The following DCDC1 variants were observed in gnomAD, a reference collection of about 807,000 sequenced individuals.
The protein encoded by DCDC1 is doublecortin domain-containing protein 1.
Under a neutral mutation model 178.3 loss-of-function variants are expected in DCDC1, and 200 were observed. The ratio of observed to expected loss-of-function variants is 1.12; its 90% CI spans 1.00 to 1.26. The LOEUF is 1.26. Ranked by LOEUF, DCDC1 falls within the 50% of genes most tolerant of loss-of-function variation. The pLI is 0.00. For missense variants in DCDC1, 1,983 were observed against 1,749.2 expected (o/e 1.13, Z -2.38); for synonymous variants, 690 against 604.8 (o/e 1.14, Z -2.07).
At chr11:30,914,614 A>C (rs1945691974) in intron 27 of DCDC1, among the ~76,000 whole-genome samples, 2 of 148,262 alleles carry the variant, frequency 1.3e-5, no homozygotes, top group South Asian at 4.4e-4. Flanking sequence ...TCGATTAAAG[A>C]AATGTTCCAT....
chr11:31,266,693 T>A (rs535831893), intron 7 of DCDC1, among the ~76,000 whole-genome samples: 3 of 152,324 alleles, frequency 2.0e-5, no homozygotes, highest in Admixed American at 6.5e-5. Context: ...TTGCCGATAC[T>A]ACCTGTCTCT....
intron 20 of DCDC1, among the ~76,000 whole-genome samples, chr11:31,047,338 A>C (rs947659334): frequency 6.6e-6 from 1 of 151,830 alleles, no homozygotes; most frequent in African/African-American, 2.4e-5. Flanking sequence ...TGTTGAACAG[A>C]AAAAAAAATC....
At chr11:31,250,815 C>T (rs1374154905) in intron 8 of DCDC1, among the ~76,000 whole-genome samples, 4 of 150,940 alleles carry the variant, frequency 2.7e-5, no homozygotes, top group Non-Finnish European at 4.4e-5. Flanking sequence ...AGTGCAGTGG[C>T]GTGATCTCGG....
Position 31,049,596 on chromosome 11 carries a change from C to T in DCDC1, c.2591+14873G>A, listed in dbSNP as rs1955100513. Among the ~76,000 whole-genome samples the T allele has an allele frequency of 2.6e-5, 4 of 152,122 alleles. No individual in the cohort carries two copies. In the South Asian group the frequency reaches 6.2e-4, roughly 24 times the overall value. On this transcript the variant is annotated intron_variant, in intron 20 of 38. Coordinates refer to ENST00000684477, the MANE Select transcript of DCDC1 (RefSeq NM_001387274.1). ...GCTCTAGATCGACTGCATGAATAAA[C>T]CAGCAATCCCAAGAGGACCCGCAGA... is the stretch of plus-strand genomic sequence containing the variant.
chr11:31,287,660 A>G (rs1394818187), intron 7 of DCDC1, among the ~76,000 whole-genome samples: 3 of 152,016 alleles, frequency 2.0e-5, no homozygotes, highest in African/African-American at 7.2e-5. Flanking sequence ...GAGCAATACT[A>G]TTAATATTTG....
chr11:31,262,981 T>C (rs1053541119), intron 8 of DCDC1: 1 of 1,539,516 alleles, frequency 6.5e-7, no homozygotes, highest in Non-Finnish European at 8.9e-7. Flanking sequence ...TAAAATGTGA[T>C]AATAGCACAC....
chr11:31,238,630 CAAG>C (rs1337586758), intron 9 of DCDC1, among the ~76,000 whole-genome samples: 1 of 152,072 alleles, frequency 6.6e-6, no homozygotes, highest in Non-Finnish European at 1.5e-5. Context: ...CACTACATAA[CAAG>C]AATGCTAATG....
At chr11:31,281,394 T>G (rs1414687654) in intron 7 of DCDC1, among the ~76,000 whole-genome samples, 2 of 152,118 alleles carry the variant, frequency 1.3e-5, no homozygotes, top group Non-Finnish European at 2.9e-5. Flanking sequence ...TAGTAGACAT[T>G]CTTGACCAGA....
intron 7 of DCDC1, among the ~76,000 whole-genome samples, chr11:31,268,080 C>T (rs1038844267): frequency 3.3e-5 from 5 of 152,126 alleles, no homozygotes; most frequent in African/African-American, 1.2e-4. Flanking sequence ...CTCTTTACAA[C>T]CCCACATTAC....
intron 9 of DCDC1, among the ~76,000 whole-genome samples, chr11:31,197,245 A>T (rs1185421792): frequency 6.6e-6 from 1 of 152,146 alleles, no homozygotes; most frequent in African/African-American, 2.4e-5. Context: ...AACATAAAAA[A>T]GTCCATAAAA....
chr11:31,189,517 A>T (rs759265869), intron 9 of DCDC1, among the ~76,000 whole-genome samples: 1 of 152,168 alleles, frequency 6.6e-6, no homozygotes, highest in Non-Finnish European at 1.5e-5. Flanking sequence ...GCTCAAAACC[A>T]TGCAAATTAA....
At chr11:31,135,673 G>T (rs764266113) in intron 10 of DCDC1, among the ~76,000 whole-genome samples, 11 of 151,950 alleles carry the variant, frequency 7.2e-5, no homozygotes, top group Non-Finnish European at 1.3e-4. Context: ...TATTCTCCTC[G>T]CTGTGTATTT....
At chr11:31,219,939 G>A (rs1386208778) in intron 9 of DCDC1, among the ~76,000 whole-genome samples, 2 of 152,060 alleles carry the variant, frequency 1.3e-5, no homozygotes, top group African/African-American at 4.8e-5. Flanking sequence ...GGTTAAACAC[G>A]AAAGCCTGGA....
chr11:30,981,743 T>A (rs569392519), intron 20 of DCDC1, among the ~76,000 whole-genome samples: 3 of 152,274 alleles, frequency 2.0e-5, no homozygotes, highest in African/African-American at 7.2e-5. Context: ...CCCTAGCTAA[T>A]AAAGATCTGT....
intron 15 of DCDC1, among the ~76,000 whole-genome samples, chr11:31,100,726 G>C (rs1306901231): frequency 3.9e-5 from 6 of 152,166 alleles, no homozygotes; most frequent in Non-Finnish European, 8.8e-5. Flanking sequence ...TGAGAGCGGA[G>C]GTAGATTAGA....
intron 11 of DCDC1, among the ~76,000 whole-genome samples, chr11:31,118,148 A>G (rs2135862421): frequency 6.6e-6 from 1 of 152,256 alleles, no homozygotes; most frequent in South Asian, 2.1e-4. Context: ...AATATAAACT[A>G]AATCATCAAA....
chr11:31,091,173 G>A (rs964017119), intron 17 of DCDC1, among the ~76,000 whole-genome samples: 1 of 152,116 alleles, frequency 6.6e-6, no homozygotes, highest in African/African-American at 2.4e-5. Context: ...CATGTTGAAG[G>A]CCAACATTTC....
intron 11 of DCDC1, among the ~76,000 whole-genome samples, chr11:31,118,529 G>A (rs770574739): frequency 3.3e-5 from 5 of 152,036 alleles, no homozygotes; most frequent in Non-Finnish European, 7.4e-5. Flanking sequence ...GATGTCAGTC[G>A]GTAATCCAGG....
chr11:31,223,370 A>G (rs1026179544), intron 9 of DCDC1, among the ~76,000 whole-genome samples: 5 of 152,086 alleles, frequency 3.3e-5, no homozygotes, highest in African/African-American at 9.7e-5. Flanking sequence ...AAATGAGGAG[A>G]AATGAGAATC....
Sources: allele counts gnomAD v4.1 joint callset (sites outside exome capture counted in the v4.1 genomes callset), GRCh38; gene constraint gnomAD v4.1.1; transcripts MANE v1.5; gene names NCBI Gene and HGNC (gene_info 2026-07-23, HGNC 2026-07-21).